PRKN: variants seen among roughly 807,000 people sequenced by gnomAD.
PRKN encodes the protein parkin RBR E3 ubiquitin protein ligase.
PRKN carries 56 observed loss-of-function variants against 59.5 expected under a neutral mutation model. That is an observed-to-expected ratio of 0.94 (90% CI 0.76 to 1.18). The LOEUF (loss-of-function observed/expected upper bound fraction) is 1.18. Ranked by LOEUF, PRKN falls within the 50% of genes most tolerant of loss-of-function variation. PRKN has a pLI of 0.00. For missense variants in PRKN, 657 were observed against 596.4 expected (o/e 1.10, Z -1.06); for synonymous variants, 250 against 222.1 (o/e 1.13, Z -1.12).
Position 161,511,403 on chromosome 6 carries a change from C to T in PRKN, c.1083+37451G>A, listed in dbSNP as rs139081273. 9.2e-5 allele frequency among the ~76,000 whole-genome samples: 14 copies of T among 152,212 alleles called. No homozygotes were observed. In the East Asian group the frequency reaches 1.5e-3, roughly 17 times the overall value. Reference sequence around the variant, plus strand: ...CCCTTCCAATAGAATATAAACCGCACGAGGCCTAAGACTGTGATGTCAACT... The same window carrying T: ...CCCTTCCAATAGAATATAAACCGCATGAGGCCTAAGACTGTGATGTCAACT... On this transcript the variant is annotated intron_variant, in intron 9 of 11. Transcript: ENST00000366898.
At chr6:161,773,898 T>C (rs1027940864) in intron 7 of PRKN, among the ~76,000 whole-genome samples, 19 of 152,090 alleles carry the variant, frequency 1.2e-4, no homozygotes, top group Admixed American at 9.2e-4. Flanking sequence ...CTGGGCAAAG[T>C]TGTCTTGGCG....
intron 1 of PRKN, among the ~76,000 whole-genome samples, chr6:162,512,562 T>A (rs568109326): frequency 6.6e-6 from 1 of 152,218 alleles, no homozygotes; most frequent in Non-Finnish European, 1.5e-5. Context: ...CAGTTATTGT[T>A]ATACCTAGTG....
chr6:161,730,271 T>C (rs148055852), intron 7 of PRKN, among the ~76,000 whole-genome samples: 15 of 151,198 alleles, frequency 9.9e-5, no homozygotes, highest in African/African-American at 3.5e-4. Flanking sequence ...CTCTGATATG[T>C]TGCATTCTTT....
At chr6:162,470,711 C>T (rs113616996) in intron 1 of PRKN, among the ~76,000 whole-genome samples, 41 of 152,300 alleles carry the variant, frequency 2.7e-4, no homozygotes, top group African/African-American at 9.6e-4. Context: ...GGCAAAGCTA[C>T]ACCTGAGGCA....
intron 1 of PRKN, among the ~76,000 whole-genome samples, chr6:162,475,712 A>G (rs1791975819): frequency 6.6e-6 from 1 of 150,638 alleles, no homozygotes; most frequent in Non-Finnish European, 1.5e-5. Flanking sequence ...ACCACTATTT[A>G]TTTATTTACG....
intron 1 of PRKN, among the ~76,000 whole-genome samples, chr6:162,685,707 C>G (rs1779943787): frequency 6.6e-6 from 1 of 152,190 alleles, no homozygotes; most frequent in African/African-American, 2.4e-5. Flanking sequence ...CTACCAAAAT[C>G]TATATTTCTA....
intron 1 of PRKN, among the ~76,000 whole-genome samples, chr6:162,450,623 A>G (rs1275084486): frequency 3.3e-5 from 5 of 152,186 alleles, no homozygotes; most frequent in African/African-American, 9.6e-5. Context: ...AAAAACACAT[A>G]AGCCCAGTCT....
chr6:161,821,244 T>A (rs775416897), intron 6 of PRKN, among the ~76,000 whole-genome samples: 23 of 152,144 alleles, frequency 1.5e-4, no homozygotes, highest in African/African-American at 5.3e-4. Context: ...GTCTGAAGCA[T>A]AGGATGTATT....
At chr6:161,829,849 C>CA (rs11457054) in intron 6 of PRKN, among the ~76,000 whole-genome samples, 8,241 of 86,058 alleles carry the variant, frequency 0.096, 522 homozygotes, top group African/African-American at 0.19. Context: ...CACTAAATGC[C>CA]AAAAAAAAAA....
intron 1 of PRKN, among the ~76,000 whole-genome samples, chr6:162,534,620 A>T (rs1778643012): frequency 6.6e-6 from 1 of 152,140 alleles, no homozygotes; most frequent in Admixed American, 6.5e-5. Context: ...GCCAAAGTAA[A>T]TTTAGTCTAC....
intron 4 of PRKN, among the ~76,000 whole-genome samples, chr6:162,187,455 C>G (rs1318337422): frequency 1.3e-5 from 2 of 152,102 alleles, no homozygotes; most frequent in African/African-American, 2.4e-5. Flanking sequence ...GTATCAGAAA[C>G]AGAAGAGAGC....
At chr6:162,167,108 A>G (rs191044637) in intron 4 of PRKN, among the ~76,000 whole-genome samples, 5 of 152,306 alleles carry the variant, frequency 3.3e-5, no homozygotes, top group Admixed American at 3.3e-4. Context: ...GTGGATCTAC[A>G]GTGATGTTCT....
At chr6:161,643,961 G>A (rs936933886) in intron 7 of PRKN, among the ~76,000 whole-genome samples, 21 of 107,462 alleles carry the variant, frequency 2.0e-4, no homozygotes, top group Admixed American at 1.6e-3. Flanking sequence ...CCTGTCTTAA[G>A]ATATCTTGGT....
chr6:162,546,875 G>A (rs1583773694), intron 1 of PRKN, among the ~76,000 whole-genome samples: 1 of 152,244 alleles, frequency 6.6e-6, no homozygotes, highest in South Asian at 2.1e-4. Context: ...GCACTGATCA[G>A]GAAAACAGCA....
chr6:162,611,032 T>C (rs962022475), intron 1 of PRKN, among the ~76,000 whole-genome samples: 25 of 152,216 alleles, frequency 1.6e-4, no homozygotes, highest in Non-Finnish European at 3.2e-4. Flanking sequence ...GATTTTATTT[T>C]TTGTATATCA....
chr6:162,493,954 C>T (rs9346917), intron 1 of PRKN, among the ~76,000 whole-genome samples: 47,048 of 152,054 alleles, frequency 0.31, 7,635 homozygotes, highest in East Asian at 0.46. Context: ...ATATCCTCTT[C>T]CCACTCTGCA....
intron 1 of PRKN, among the ~76,000 whole-genome samples, chr6:162,484,627 G>A (rs1013207637): frequency 6.6e-6 from 1 of 152,198 alleles, no homozygotes; most frequent in African/African-American, 2.4e-5. Flanking sequence ...AATCAAGAGA[G>A]TAACAGTACA....
chr6:162,096,339 G>A (rs775770913), intron 4 of PRKN, among the ~76,000 whole-genome samples: 87 of 152,264 alleles, frequency 5.7e-4, no homozygotes, highest in Non-Finnish European at 1.0e-3. Flanking sequence ...AAAAGTACAA[G>A]CATATAAAAA....
intron 4 of PRKN, among the ~76,000 whole-genome samples, chr6:162,145,471 T>C (rs1195815399): frequency 6.6e-6 from 1 of 152,216 alleles, no homozygotes; most frequent in Non-Finnish European, 1.5e-5. Context: ...GGGGGAATTA[T>C]TGTTGCTAGT....
Sources: gnomAD v4.1 joint callset for allele counts (sites outside exome capture counted in the v4.1 genomes callset) on GRCh38, gnomAD v4.1.1 for gene constraint, MANE v1.5 for transcripts, NCBI Gene and HGNC (gene_info 2026-07-23, HGNC 2026-07-21) for gene names.